Variants in WDR82 observed in about 807,000 individuals in gnomAD.
WDR82 encodes WD repeat domain 82.
WDR82 carries 8 observed loss-of-function variants against 36.1 expected under a neutral mutation model. The ratio of observed to expected loss-of-function variants is 0.22; its 90% CI spans 0.13 to 0.40. The LOEUF is 0.40. WDR82 is among the 10% of genes least tolerant of loss of function. The probability of loss-of-function intolerance (pLI) is 1.00; values close to 1 mark genes in which losing one functional copy is unlikely to be tolerated. For synonymous variants in WDR82, 129 were observed against 137.8 expected, an observed-to-expected ratio of 0.94 and a Z score of 0.45; for missense variants, 185 against 400.5, an observed-to-expected ratio of 0.46 and a Z score of 4.59.
At chr3:52,259,642 C>A (rs993816153) in intron 6 of WDR82, 75 bp downstream of exon 6, 36 of 1,525,058 alleles carry the variant, frequency 2.4e-5, no homozygotes, top group Non-Finnish European at 3.0e-5. Context: ...TTGGTCTCCA[C>A]CAACCAGCTA....
At chr3:52,267,757 T>C (rs1316278929) in intron 2 of WDR82, 3 of 152,620 alleles carry the variant, frequency 2.0e-5, no homozygotes, top group Admixed American at 6.5e-5. Flanking sequence ...TGATTCTATC[T>C]GAAAGAGTAA....
chr3:52,271,610 A>C (rs2107340944), intron 1 of WDR82, among the ~76,000 whole-genome samples: 1 of 152,086 alleles, frequency 6.6e-6, no homozygotes, highest in East Asian at 1.9e-4. Flanking sequence ...TCAAGACGGC[A>C]GTGATTCCTC....
Position 52,274,945 on chromosome 3 carries a change from G to C in WDR82, c.161+3256C>G, listed in dbSNP as rs1258193414. ...AAACAAACAAACAAAAAGAAAGGCC[G>C]GGCGCAGTGGCTCATGCCTGCAATC... On this transcript the variant is annotated intron_variant, in intron 1 of 8. Coordinates refer to ENST00000296490, the MANE Select transcript of WDR82 (RefSeq NM_025222.4). Among the ~76,000 whole-genome samples the C allele has an allele frequency of 2.0e-5, 3 of 152,072 alleles. No individual in the cohort carries two copies. In the South Asian group the frequency reaches 6.2e-4, roughly 32 times the overall value.
chr3:52,274,661 G>C (rs532869825), intron 1 of WDR82, among the ~76,000 whole-genome samples: 2 of 152,088 alleles, frequency 1.3e-5, no homozygotes, highest in Non-Finnish European at 2.9e-5. Flanking sequence ...CTGGGAGGCC[G>C]AGGAGACCGA....
intron 1 of WDR82, among the ~76,000 whole-genome samples, chr3:52,273,775 C>A (rs1292033350): frequency 6.6e-6 from 1 of 152,150 alleles, no homozygotes; most frequent in Non-Finnish European, 1.5e-5. Context: ...GCCCCTGCCA[C>A]CAGGCTCAGC....
intron 1 of WDR82, among the ~76,000 whole-genome samples, chr3:52,274,160 C>G (rs1229376627): frequency 6.6e-6 from 1 of 152,224 alleles, no homozygotes; most frequent in Non-Finnish European, 1.5e-5. Context: ...TGGGCGAACT[C>G]CATTGTAAAG....
chr3:52,269,935 T>A (rs1342194077), intron 2 of WDR82, among the ~76,000 whole-genome samples: 1 of 152,110 alleles, frequency 6.6e-6, no homozygotes. Flanking sequence ...ACTCTTTAGA[T>A]CAAAAAACGT....
At chr3:52,265,132 C>T (rs556977489) in intron 3 of WDR82, among the ~76,000 whole-genome samples, 2 of 151,702 alleles carry the variant, frequency 1.3e-5, no homozygotes, top group Admixed American at 1.3e-4. Flanking sequence ...AACCCCATCT[C>T]TACTAAAAAT....
At chr3:52,270,672 A>T (rs377351158) in intron 2 of WDR82, 40 bp downstream of exon 2, 7 of 1,499,010 alleles carry the variant, frequency 4.7e-6, no homozygotes, top group Non-Finnish European at 5.5e-6. Context: ...TATTTAACAA[A>T]GGAAACCATG....
Position 52,261,638 on chromosome 3 carries a change from G to A in WDR82, c.327-159C>T, listed in dbSNP as rs148953428. Among the ~76,000 whole-genome samples the A allele has an allele frequency of 2.3e-3, 349 of 151,804 alleles. 1 individual carries two copies. The highest frequency in any genetic ancestry group is 8.0e-3 in the African/African-American group (331 of 41,332). On this transcript the variant is annotated intron_variant, in intron 3 of 8. Coordinates refer to ENST00000296490, the MANE Select transcript of WDR82 (RefSeq NM_025222.4). Reference sequence around the variant, plus strand: ...AAACACACATACCACAACCATATCTGGAACAAACAAAGGCAACTAGTATAA... The same window carrying A: ...AAACACACATACCACAACCATATCTAGAACAAACAAAGGCAACTAGTATAA...
intron 7 of WDR82, among the ~76,000 whole-genome samples, 200 bp downstream of exon 7, chr3:52,258,997 A>G (rs1700036537): frequency 1.3e-5 from 2 of 152,238 alleles, no homozygotes; most frequent in Non-Finnish European, 2.9e-5. Context: ...AGCATTACTA[A>G]TAAGGTAGTG....
At chr3:52,263,712 G>A (rs1381255072) in intron 3 of WDR82, among the ~76,000 whole-genome samples, 2 of 152,258 alleles carry the variant, frequency 1.3e-5, no homozygotes, top group Non-Finnish European at 2.9e-5. Flanking sequence ...ACTAACAACA[G>A]ATGCTTTGAG....
At chr3:52,272,145 T>C (rs918688941) in intron 1 of WDR82, among the ~76,000 whole-genome samples, 1 of 152,198 alleles carries the variant, frequency 6.6e-6, no homozygotes, top group Non-Finnish European at 1.5e-5. Flanking sequence ...TCTCCATTTG[T>C]TGAAGTTCCT....
At chr3:52,274,116 C>T (rs1700179376) in intron 1 of WDR82, among the ~76,000 whole-genome samples, 1 of 152,154 alleles carries the variant, frequency 6.6e-6, no homozygotes, top group South Asian at 2.1e-4. Flanking sequence ...CAAACAATAT[C>T]CTTTATACTC....
chr3:52,269,191 C>T (rs1194587064), intron 2 of WDR82, among the ~76,000 whole-genome samples: 1 of 152,116 alleles, frequency 6.6e-6, no homozygotes, highest in Non-Finnish European at 1.5e-5. Context: ...AAACAGAATC[C>T]TGGCCGGGCG....
intron 2 of WDR82, chr3:52,268,190 A>AAG: frequency 2.6e-6 from 1 of 384,304 alleles, no homozygotes; most frequent in Non-Finnish European, 5.6e-6. Context: ...TAAGAAGAAA[A>AAG]AGACTTCCTC....
intron 3 of WDR82, among the ~76,000 whole-genome samples, chr3:52,263,271 T>C (rs1559453606): frequency 6.6e-6 from 1 of 152,120 alleles, no homozygotes; most frequent in Non-Finnish European, 1.5e-5. Context: ...CGTAAGGAAT[T>C]TTAACTGTCC....
At position 52,257,533 on chromosome 3, in the gene WDR82, A is replaced by C. The variant is rs1169644508; in HGVS notation, c.913-14T>G. On this transcript the variant is annotated splice_polypyrimidine_tract_variant and intron_variant, in intron 8 of 8. Transcript: ENST00000296490. ...CAACCAAAAGGCCTAGAAGGAGAAC[A>C]TAAATCAACTTTAAAAAGCCAAGCA... 1 of 1,614,140 alleles carries C rather than the reference A, an allele frequency of 6.2e-7. No homozygotes were observed. Among genetic ancestry groups the C allele is most frequent in the Non-Finnish European group, 8.5e-7 (1 of 1,180,034 alleles).
chr3:52,259,832 C>A lies in WDR82; in HGVS notation c.584G>T (p.Cys195Phe), dbSNP rs767980050. Residue 195 changes from cysteine (C) to phenylalanine (F), a missense_variant, in exon 6 of 9, where the codon TGT becomes TTT. By Grantham distance (205) the Cys-to-Phe change is radical. Transcript: ENST00000296490. ...ATFKMQYDRT[C>F]EWTGLKFSND... ...GCTGAATTTAAGTCCTGTCCACTCA[C>A]AAGTTCGATCATACTGCATCTTAAA... is the stretch of plus-strand genomic sequence containing the variant. 6 of 1,613,976 alleles carry A rather than the reference C, an allele frequency of 3.7e-6. No homozygotes were observed. Among genetic ancestry groups the A allele is most frequent in the Non-Finnish European group, 5.1e-6 (6 of 1,179,980 alleles).
Sources: gnomAD v4.1 joint callset for allele counts (sites outside exome capture counted in the v4.1 genomes callset) on GRCh38, gnomAD v4.1.1 for gene constraint, MANE v1.5 for transcripts, NCBI Gene and HGNC (gene_info 2026-07-23, HGNC 2026-07-21) for gene names.